The following PHACTR2 variants were observed in gnomAD, a reference collection of about 807,000 sequenced individuals.
The protein encoded by PHACTR2 is phosphatase and actin regulator 2.
Under a neutral mutation model 76.0 loss-of-function variants are expected in PHACTR2, and 30 were observed. The ratio of observed to expected loss-of-function variants is 0.39; its 90% confidence interval spans 0.30 to 0.54. The LOEUF is 0.54. Among genes scored for constraint, PHACTR2 ranks in the 20% least tolerant of loss-of-function variants. PHACTR2 has a pLI of 0.61. For synonymous variants in PHACTR2, 292 were observed against 292.5 expected (o/e 1.00, Z 0.02); for missense variants, 696 against 781.1 (o/e 0.89, Z 1.30).
rs1008746806 is a variant in PHACTR2 at position 143,683,447 on chromosome 6, C to T, written c.46+5238C>T. ...AATTATTTCTTCTAGTTTTTTCCAA[C>T]CCCACCCCATTTTCACGGTGCCACA... On this transcript the variant is annotated intron_variant, in intron 1 of 12. Transcript: ENST00000440869. The surrounding 1 kb of genome is among the most constrained non-coding windows in gnomAD (Gnocchi z 4.1). Among the ~76,000 whole-genome samples the T allele has an allele frequency of 1.3e-5, 2 of 152,112 alleles. No homozygotes were observed. The highest frequency in any genetic ancestry group is 2.9e-5 in the Non-Finnish European group (2 of 68,026).
chr6:143,800,361 A>G lies in PHACTR2; in HGVS notation c.1846-6696A>G, dbSNP rs1014761836. On this transcript the variant is annotated intron_variant, in intron 11 of 12. Transcript: ENST00000440869. This position sits in a 1 kb window ranked among gnomAD's most constrained non-coding sequence, Gnocchi z 4.8. ...ACAGCAAGCTCCGCCTCCCAGGGTC[A>G]CCCTATTCTCCTGCCTCAGCCTCCT... Among the ~76,000 whole-genome samples the G allele has an allele frequency of 1.3e-5, 2 of 151,974 alleles. No individual in the cohort carries two copies. Among genetic ancestry groups the G allele is most frequent in the Non-Finnish European group, 2.9e-5 (2 of 68,008 alleles).
intron 12 of PHACTR2, among the ~76,000 whole-genome samples, chr6:143,808,749 T>C (rs1308413441): frequency 6.6e-6 from 1 of 152,352 alleles, no homozygotes; most frequent in South Asian, 2.1e-4. Flanking sequence ...TGTTTTTATA[T>C]ACATGTAGAG....
Position 143,537,388 on chromosome 6 carries a change from G to T in PHACTR2, c.217+181G>T, listed in dbSNP as rs577274632. 6.7e-3 allele frequency among the ~76,000 whole-genome samples: 1,016 copies of T among 152,190 alleles called. 13 individuals carry two copies. Among genetic ancestry groups the T allele is most frequent in the African/African-American group, 0.02 (845 of 41,576 alleles). ...CACACTGCCGCCTCCTCGGCCGCCC[G>T]GGCTCGGCGACCCTAGGCGGAAGAT... On this transcript the variant is annotated intron_variant, in intron 1 of 11. Transcript: ENST00000367584. The surrounding 1 kb of genome is among the most constrained non-coding windows in gnomAD (Gnocchi z 4.4).
At chr6:143,650,513 C>A (rs533902130) in intron 1 of PHACTR2, among the ~76,000 whole-genome samples, 80 of 152,190 alleles carry the variant, frequency 5.3e-4, no homozygotes, top group Admixed American at 7.9e-4. Context: ...AATAGAGAAG[C>A]CAGAACTAAG....
In PHACTR2 at chr6:143,807,051, G is replaced by T. The variant is rs367893715; in HGVS notation, c.1846-6G>T. 8.4e-6 allele frequency: 13 copies of T among 1,546,000 alleles called. No individual in the cohort carries two copies. The African/African-American group carries it at 9.6e-5, about 11-fold the overall frequency. On this transcript the variant is annotated splice_polypyrimidine_tract_variant and splice_region_variant and intron_variant, in intron 11 of 12. Coordinates refer to ENST00000440869, the MANE Select transcript of PHACTR2 (RefSeq NM_001100164.2). This position sits in a 1 kb window ranked among gnomAD's most constrained non-coding sequence, Gnocchi z 5.5. ...GTTCTGTTTATCTATTTTTTTTCCTGTTTAGGCAGCAATAAGGAAAGAACT... is the reference window on the plus strand; with the variant it reads ...GTTCTGTTTATCTATTTTTTTTCCTTTTTAGGCAGCAATAAGGAAAGAACT...
At chr6:143,574,145 G>A (rs1279199844) in intron 1 of PHACTR2, among the ~76,000 whole-genome samples, 1 of 152,214 alleles carries the variant, frequency 6.6e-6, no homozygotes, top group Non-Finnish European at 1.5e-5. Flanking sequence ...CAGCTGTGTG[G>A]CTGAGTGCCC....
At chr6:143,608,149 T>C, upstream of PHACTR2, 2 of 697,590 alleles carry the variant, frequency 2.9e-6, no homozygotes, top group Non-Finnish European at 5.2e-6. This position sits in a 1 kb window ranked among gnomAD's most constrained non-coding sequence, Gnocchi z 4.6. Context: ...TCCTTGGAGA[T>C]ATAAATTTCC....
chr6:143,711,920 C>T lies in PHACTR2; in HGVS notation c.47-96C>T, dbSNP rs115824318. The T allele has an allele frequency of 2.6e-3, 2,690 of 1,018,370 alleles. 49 individuals carry two copies. The African/African-American group carries it at 0.034, about 13-fold the overall frequency. The allele number at this position is 1,018,370 out of a possible 1,614,324, so 63.1% of individuals were successfully genotyped here. A position where few individuals can be genotyped will look rare whatever the true frequency, so the allele number is the denominator to read the frequency against. ...TATGTGAGATTCCAATTAGAGTGGA[C>T]GTGCTTACCGTTAACAGCCCAGGGA... On this transcript the variant is annotated intron_variant, in intron 1 of 12. Transcript: ENST00000440869.
rs1777810484 is a variant in PHACTR2, at chr6:143,697,978, A to G, written c.47-14038A>G. ...TTAACCTACTCACTTAATAACAACAACAATTAAAAATCATTTTTATGGTTT... is the reference window on the plus strand; with the variant it reads ...TTAACCTACTCACTTAATAACAACAGCAATTAAAAATCATTTTTATGGTTT... On this transcript the variant is annotated intron_variant, in intron 1 of 12. Coordinates refer to ENST00000440869, the MANE Select transcript of PHACTR2 (RefSeq NM_001100164.2). This position sits in a 1 kb window ranked among gnomAD's most constrained non-coding sequence, Gnocchi z 4.4. Among the ~76,000 whole-genome samples, 2 of 152,160 alleles carry G rather than the reference A, an allele frequency of 1.3e-5. No homozygotes were observed. Among genetic ancestry groups the G allele is most frequent in the African/African-American group, 2.4e-5 (1 of 41,410 alleles).
At chr6:143,551,928 A>G (rs1021482752) in intron 1 of PHACTR2, among the ~76,000 whole-genome samples, 12 of 152,218 alleles carry the variant, frequency 7.9e-5, no homozygotes, top group African/African-American at 2.9e-4. Flanking sequence ...GAATTTTCCT[A>G]CATAGCTTTG....
Position 143,822,934 on chromosome 6 carries a change from G to T in PHACTR2, c.1923-740G>T, listed in dbSNP as rs1304715121. 1.3e-5 allele frequency among the ~76,000 whole-genome samples: 2 copies of T among 152,238 alleles called. No homozygotes were observed. The highest frequency in any genetic ancestry group is 4.8e-5 in the African/African-American group (2 of 41,472). ...CAGCTGGCTGGCTAACAAGCATACC[G>T]TAAAAGTAGTGCCAGCAAAAGATGG... On this transcript the variant is annotated intron_variant, in intron 12 of 12. Transcript: ENST00000440869. This position sits in a 1 kb window ranked among gnomAD's most constrained non-coding sequence, Gnocchi z 5.5.
rs918074588 is a variant in PHACTR2 at position 143,764,482 on chromosome 6, C to T, written c.695-779C>T. 3.3e-5 allele frequency among the ~76,000 whole-genome samples: 5 copies of T among 150,750 alleles called. No homozygotes were observed. The highest frequency in any genetic ancestry group is 7.4e-5 in the Non-Finnish European group (5 of 67,930). ...GTTATAGTGAGCCGATATTGCACCA[C>T]TGCATTCCAGCCTGGGCGACAGAAC... On this transcript the variant is annotated intron_variant, in intron 5 of 12. Coordinates refer to ENST00000440869, the MANE Select transcript of PHACTR2 (RefSeq NM_001100164.2). This position sits in a 1 kb window ranked among gnomAD's most constrained non-coding sequence, Gnocchi z 4.7.
chr6:143,643,061 T>G (rs1324421105), intron 1 of PHACTR2, among the ~76,000 whole-genome samples: 1 of 152,246 alleles, frequency 6.6e-6, no homozygotes, highest in Non-Finnish European at 1.5e-5. Context: ...AGTTTCATTG[T>G]AAATTATTTT....
intron 3 of PHACTR2, among the ~76,000 whole-genome samples, chr6:143,749,616 T>A (rs1779142803): frequency 6.6e-6 from 1 of 152,178 alleles, no homozygotes; most frequent in South Asian, 2.1e-4. Context: ...AGTACTGTTC[T>A]CTTTTCATTT....
intron 11 of PHACTR2, among the ~76,000 whole-genome samples, chr6:143,799,080 TC>T (rs1320065316): frequency 2.6e-5 from 4 of 152,190 alleles, no homozygotes; most frequent in Admixed American, 1.3e-4. Flanking sequence ...TTTGGTCTAT[TC>T]AGAGATTCAA....
rs1296914438 is a variant in PHACTR2, at chr6:143,619,650, G to A, written c.13+11328G>A. 6.6e-6 allele frequency among the ~76,000 whole-genome samples: 1 copy of A among 152,186 alleles called. No homozygotes were observed. ...CGGTAGCTTTTGTATCATTAACTGA[G>A]ACTTGCTTAAAACTGTACACCCAAC... On this transcript the variant is annotated intron_variant, in intron 1 of 11. Transcript: ENST00000305766. The surrounding 1 kb of genome is among the most constrained non-coding windows in gnomAD (Gnocchi z 4.5).
Position 143,698,051 on chromosome 6 carries a change from G to A in PHACTR2, c.47-13965G>A, listed in dbSNP as rs1036867209. ...ACTGGCTATTCTGAGGTTCTGTTAC[G>A]GGCTTTTTCCCATCATTCTAGAACA... On this transcript the variant is annotated intron_variant, in intron 1 of 12. Transcript: ENST00000440869. The surrounding 1 kb of genome is among the most constrained non-coding windows in gnomAD (Gnocchi z 4.3). Among the ~76,000 whole-genome samples, 4 of 152,134 alleles carry A rather than the reference G, an allele frequency of 2.6e-5. No homozygotes were observed. The highest frequency in any genetic ancestry group is 7.2e-5 in the African/African-American group (3 of 41,502).
Position 143,596,846 on chromosome 6 carries a change from T to A in PHACTR2, c.217+59639T>A, listed in dbSNP as rs765922378. Among the ~76,000 whole-genome samples the A allele has an allele frequency of 1.3e-5, 2 of 151,818 alleles. No homozygotes were observed. Among genetic ancestry groups the A allele is most frequent in the African/African-American group, 2.4e-5 (1 of 41,318 alleles). On this transcript the variant is annotated intron_variant, in intron 1 of 11. Coordinates refer to the PHACTR2 transcript ENST00000367584. This position sits in a 1 kb window ranked among gnomAD's most constrained non-coding sequence, Gnocchi z 4.6. Reference sequence around the variant, plus strand: ...GAGTGAGACCTCATCTCAAAAAAAATAAAAATAAAAATAAAAAGAATCATG... The same window carrying A: ...GAGTGAGACCTCATCTCAAAAAAAAAAAAAATAAAAATAAAAAGAATCATG...
intron 5 of PHACTR2, among the ~76,000 whole-genome samples, chr6:143,762,017 C>T (rs1274566395): frequency 6.6e-6 from 1 of 152,154 alleles, no homozygotes; most frequent in African/African-American, 2.4e-5. Flanking sequence ...GAATGATGTG[C>T]CAACAGTGCC....
Sources: allele counts gnomAD v4.1 joint callset (sites outside exome capture counted in the v4.1 genomes callset), GRCh38; gene constraint gnomAD v4.1.1; non-coding constraint Gnocchi (gnomAD v3.1); transcripts MANE v1.5; gene names NCBI Gene and HGNC (gene_info 2026-07-23, HGNC 2026-07-21).